Variants in GRID2 observed in about 807,000 individuals in gnomAD.
GRID2 encodes glutamate receptor ionotropic, delta-2.
In GRID2, 33 loss-of-function variants were observed where a neutral mutation model predicts 114.8. The observed-to-expected ratio is 0.29, with a 90% confidence interval of 0.22 to 0.38. GRID2 has a LOEUF of 0.38. Ranked by LOEUF, GRID2 falls within the 10% of genes least tolerant of loss-of-function variation. The probability of loss-of-function intolerance (pLI) is 1.00; values close to 1 mark genes in which losing one functional copy is unlikely to be tolerated. For synonymous variants in GRID2, 505 were observed against 449.9 expected (o/e 1.12, Z -1.55); for missense variants, 1,184 against 1,257.7 (o/e 0.94, Z 0.89).
chr4:92,916,036 A>G (rs1266174910), intron 2 of GRID2, among the ~76,000 whole-genome samples: 1 of 151,974 alleles, frequency 6.6e-6, no homozygotes, highest in African/African-American at 2.4e-5. Context: ...CACTCTCTTA[A>G]TAGTTTTCTT....
chr4:93,549,535 G>A (rs1450750491), intron 13 of GRID2, among the ~76,000 whole-genome samples: 8 of 152,088 alleles, frequency 5.3e-5, no homozygotes, highest in Admixed American at 2.6e-4. Context: ...AAAGTAATAA[G>A]GGAAATGTTC....
chr4:93,604,018 T>G (rs534453137), intron 13 of GRID2, among the ~76,000 whole-genome samples: 1 of 152,228 alleles, frequency 6.6e-6, no homozygotes, highest in Non-Finnish European at 1.5e-5. Context: ...CTGCAGCCCA[T>G]AGATCAAGAA....
rs771032477 is a variant in GRID2, at chr4:92,945,383, G to GT, written c.245-139603dup. Among the ~76,000 whole-genome samples the GT allele has an allele frequency of 2.6e-3, 394 of 150,688 alleles. 1 individual carries two copies. Among genetic ancestry groups the GT allele is most frequent in the Middle Eastern group, 0.01 (3 of 290 alleles). On this transcript the variant is annotated intron_variant, in intron 2 of 15. Transcript: ENST00000282020. Reference sequence around the variant, plus strand: ...TTCAATGTGTCTTTGTAAATAAGCTGTTTTTTTTTCCCAATGGGAGAAACT... The same window carrying GT: ...TTCAATGTGTCTTTGTAAATAAGCTGTTTTTTTTTTCCCAATGGGAGAAACT...
intron 2 of GRID2, among the ~76,000 whole-genome samples, chr4:93,028,173 T>C (rs1188995123): frequency 6.6e-6 from 1 of 152,168 alleles, no homozygotes; most frequent in Non-Finnish European, 1.5e-5. Context: ...CCATGAGCTC[T>C]TGAAGCTTAT....
chr4:92,363,699 TATC>T (rs1200472875), intron 1 of GRID2, among the ~76,000 whole-genome samples: 2 of 152,000 alleles, frequency 1.3e-5, no homozygotes, highest in East Asian at 3.9e-4. Context: ...GTTCCTAAAA[TATC>T]ATATGGAAAA....
chr4:92,953,054 T>A (rs1752144922), intron 2 of GRID2, among the ~76,000 whole-genome samples: 2 of 152,286 alleles, frequency 1.3e-5, no homozygotes, highest in Admixed American at 6.5e-5. Flanking sequence ...ATTCTCCCTG[T>A]GTGTGTGTCC....
chr4:92,539,994 T>G, intron 1 of GRID2, among the ~76,000 whole-genome samples: 1 of 152,066 alleles, frequency 6.6e-6, no homozygotes, highest in Non-Finnish European at 1.5e-5. Context: ...TAATGCTACG[T>G]ATCTACAACC....
At chr4:92,336,422 C>T (rs1170824032) in intron 1 of GRID2, among the ~76,000 whole-genome samples, 1 of 152,088 alleles carries the variant, frequency 6.6e-6, no homozygotes, top group Non-Finnish European at 1.5e-5. Context: ...TCCATTCCTC[C>T]ACATTTCTAC....
intron 10 of GRID2, 62 bp from the exon 11 acceptor site, chr4:93,455,600 G>T: frequency 8.8e-7 from 1 of 1,137,128 alleles, no homozygotes. Flanking sequence ...GCAAGCTGAA[G>T]TGGCACAAAT....
At chr4:92,577,780 G>A (rs1022066650) in intron 1 of GRID2, among the ~76,000 whole-genome samples, 1 of 152,140 alleles carries the variant, frequency 6.6e-6, no homozygotes, top group Non-Finnish European at 1.5e-5. Flanking sequence ...ATGGAATTAG[G>A]TGGTCAGAGT....
intron 2 of GRID2, among the ~76,000 whole-genome samples, chr4:92,691,783 A>G (rs1367348804): frequency 6.6e-6 from 1 of 152,172 alleles, no homozygotes; most frequent in Non-Finnish European, 1.5e-5. Context: ...TACCAATGCC[A>G]GAGTCATTAT....
chr4:92,905,252 G>T (rs1196811061), intron 2 of GRID2, among the ~76,000 whole-genome samples: 2 of 151,970 alleles, frequency 1.3e-5, no homozygotes, highest in Non-Finnish European at 2.9e-5. Context: ...ACCCAAGACA[G>T]AAATGGGGAC....
At chr4:93,473,100 AT>A (rs1346655428) in intron 11 of GRID2, among the ~76,000 whole-genome samples, 2 of 152,004 alleles carry the variant, frequency 1.3e-5, no homozygotes, top group African/African-American at 4.8e-5. Flanking sequence ...TCCTTTAACT[AT>A]TTTTTCCTGT....
chr4:93,352,750 A>G lies in GRID2; in HGVS notation c.1246-42857A>G, dbSNP rs112344193. Among the ~76,000 whole-genome samples the G allele has an allele frequency of 3.0e-3, 458 of 152,212 alleles. 2 individuals carry two copies. Among genetic ancestry groups the G allele is most frequent in the African/African-American group, 0.011 (441 of 41,558 alleles). ...AATACAGAGATAAGAAAAATGATGC[A>G]AAGTAAATGTATTCCTAAAGAGCAA... On this transcript the variant is annotated intron_variant, in intron 8 of 15. Coordinates refer to ENST00000282020, the MANE Select transcript of GRID2 (RefSeq NM_001510.4).
rs542519980 is a variant in GRID2 at position 92,918,869 on chromosome 4, A to T, written c.245-166126A>T. 2.0e-5 allele frequency among the ~76,000 whole-genome samples: 3 copies of T among 152,322 alleles called. No individual in the cohort carries two copies. In the East Asian group the frequency reaches 5.8e-4, roughly 29 times the overall value. ...ATCAGGATGATGCTGGCCTCATAAA[A>T]TGAGTTAGGGAAGATTCCCTCTTTT... On this transcript the variant is annotated intron_variant, in intron 2 of 15. Transcript: ENST00000282020.
intron 5 of GRID2, among the ~76,000 whole-genome samples, chr4:93,209,382 G>C (rs1743188673): frequency 1.3e-5 from 2 of 152,164 alleles, no homozygotes; most frequent in Admixed American, 6.6e-5. Flanking sequence ...AGTTCGCTGA[G>C]GAAAATGGCT....
intron 1 of GRID2, among the ~76,000 whole-genome samples, chr4:92,498,739 C>T (rs1029910841): frequency 6.6e-6 from 1 of 151,324 alleles, no homozygotes; most frequent in African/African-American, 2.4e-5. Flanking sequence ...AAGCATAATC[C>T]CATCGACATT....
chr4:92,949,081 A>G (rs1320163702), intron 2 of GRID2, among the ~76,000 whole-genome samples: 1 of 151,720 alleles, frequency 6.6e-6, no homozygotes, highest in African/African-American at 2.4e-5. Flanking sequence ...ATACAAGAAG[A>G]CAACCAAAAA....
At chr4:93,105,702 A>T (rs1732157169) in intron 3 of GRID2, among the ~76,000 whole-genome samples, 1 of 152,156 alleles carries the variant, frequency 6.6e-6, no homozygotes, top group South Asian at 2.1e-4. Context: ...CCATCTTCAA[A>T]GCCAGCAGTC....
Sources: gnomAD v4.1 joint callset for allele counts (sites outside exome capture counted in the v4.1 genomes callset) on GRCh38, gnomAD v4.1.1 for gene constraint, MANE v1.5 for transcripts, NCBI Gene and HGNC (gene_info 2026-07-23, HGNC 2026-07-21) for gene names.